NIM1K: variants seen among roughly 807,000 people sequenced by gnomAD.
The protein encoded by NIM1K is NIM1 serine/threonine protein kinase, also known as serine/threonine-protein kinase NIM1.
Under a neutral mutation model 37.1 loss-of-function variants are expected in NIM1K, and 35 were observed. That is an observed-to-expected ratio of 0.94 (90% CI 0.72 to 1.25). The LOEUF is 1.25. Among genes scored for constraint, NIM1K ranks in the 50% most tolerant of loss-of-function variants. The pLI is 0.00. For missense variants in NIM1K, 564 were observed against 548.0 expected (o/e 1.03, Z -0.29); for synonymous variants, 234 against 206.6 (o/e 1.13, Z -1.14).
intron 3 of NIM1K, among the ~76,000 whole-genome samples, chr5:43,278,763 G>T (rs1210117894): frequency 6.6e-6 from 1 of 152,216 alleles, no homozygotes; most frequent in Non-Finnish European, 1.5e-5. Flanking sequence ...GGGAGAATTT[G>T]CAAGGGAATC....
At chr5:43,262,911 G>A (rs1389776548) in intron 2 of NIM1K, among the ~76,000 whole-genome samples, 6 of 152,130 alleles carry the variant, frequency 3.9e-5, no homozygotes, top group Non-Finnish European at 5.9e-5. Flanking sequence ...GATGGATTAC[G>A]TTTATTGATT....
intron 2 of NIM1K, among the ~76,000 whole-genome samples, chr5:43,251,412 C>T (rs1752864939): frequency 6.6e-6 from 1 of 152,192 alleles, no homozygotes; most frequent in South Asian, 2.1e-4. Context: ...ATTTCAACCT[C>T]ATGAGTCTTA....
Position 43,277,105 on chromosome 5 carries a change from C to A in NIM1K, c.341C>A (p.Thr114Asn). The A allele has an allele frequency of 6.2e-7, 1 of 1,614,092 alleles. No homozygotes were observed. Among genetic ancestry groups the A allele is most frequent in the Non-Finnish European group, 8.5e-7 (1 of 1,179,994 alleles). The change falls in exon 3 of 4, where the codon ACC becomes AAC. Residue 114 changes from threonine (T) to asparagine (N), a missense_variant. Transcript: ENST00000326035. ...GACAAGACCAAGTTAGACCAGAAAA[C>A]CCAGAGGCTACTATCCCGAGAAATC... ...ILDKTKLDQKTQRLLSREISS... is the reference protein window; with the variant it reads ...ILDKTKLDQKNQRLLSREISS...
intron 2 of NIM1K, among the ~76,000 whole-genome samples, chr5:43,263,333 CT>C (rs901503704): frequency 4.6e-5 from 7 of 152,078 alleles, no homozygotes; most frequent in African/African-American, 1.4e-4. Flanking sequence ...CTGGTTTAGT[CT>C]TGGGAGGGTG....
chr5:43,275,233 C>T (rs1753320884), intron 2 of NIM1K, among the ~76,000 whole-genome samples: 1 of 152,122 alleles, frequency 6.6e-6, no homozygotes, highest in Non-Finnish European at 1.5e-5. Flanking sequence ...GTATAGTGGA[C>T]ATCTTTTCAT....
chr5:43,244,088 C>T (rs2112260587), intron 1 of NIM1K, among the ~76,000 whole-genome samples: 1 of 152,220 alleles, frequency 6.6e-6, no homozygotes, highest in Admixed American at 6.5e-5. Flanking sequence ...TATTTGGCAA[C>T]CCCATACTTA....
At chr5:43,203,752 A>G (rs1156882555) in intron 1 of NIM1K, among the ~76,000 whole-genome samples, 1 of 152,178 alleles carries the variant, frequency 6.6e-6, no homozygotes, top group Non-Finnish European at 1.5e-5. Flanking sequence ...TTGGCTGGGC[A>G]CAGTGGCTCA....
intron 3 of NIM1K, among the ~76,000 whole-genome samples, 155 bp from the exon 4 acceptor site, chr5:43,279,825 A>G (rs761474568): frequency 2.6e-5 from 4 of 152,208 alleles, no homozygotes; most frequent in Non-Finnish European, 5.9e-5. Context: ...ACATTGGGCT[A>G]AAGGTTATGA....
intron 1 of NIM1K, 87 bp from the exon 2 acceptor site, chr5:43,244,995 A>T (rs1010764160): frequency 1.3e-4 from 20 of 152,246 alleles, no homozygotes; most frequent in African/African-American, 3.9e-4. Context: ...CTTTTAGATC[A>T]ATGCTTACAA....
intron 2 of NIM1K, 58 bp downstream of exon 2, chr5:43,246,125 G>C (rs1247860941): frequency 2.0e-6 from 3 of 1,480,668 alleles, no homozygotes; most frequent in African/African-American, 1.4e-5. Context: ...GTGTAGGAAA[G>C]GGGTTAGGTG....
intron 2 of NIM1K, among the ~76,000 whole-genome samples, chr5:43,246,362 T>C (rs1467753801): frequency 6.6e-6 from 1 of 151,724 alleles, no homozygotes; most frequent in Non-Finnish European, 1.5e-5. Flanking sequence ...CACCATACCA[T>C]GCAGATAAAC....
chr5:43,273,295 C>T (rs1753285843), intron 2 of NIM1K, among the ~76,000 whole-genome samples: 1 of 151,956 alleles, frequency 6.6e-6, no homozygotes, highest in South Asian at 2.1e-4. Context: ...CCTCTGCCCC[C>T]TGGGTTCAAG....
rs768600358 is a variant in NIM1K, at chr5:43,245,902, C to T, written c.127C>T (p.Arg43Cys). Residue 43 changes from arginine to cysteine, a missense_variant, in exon 2 of 4, where the codon CGC becomes TGC. Transcript: ENST00000326035. ...CAAGGAGGGTGAGGAGGGACAGCCCCGCCAGCTGACGCCCTTCGAGAAACT... is the reference window on the plus strand; with the variant it reads ...CAAGGAGGGTGAGGAGGGACAGCCCTGCCAGCTGACGCCCTTCGAGAAACT... ...SSKEGEEGQP[R>C]QLTPFEKLTQ... 3.4e-5 allele frequency: 55 copies of T among 1,613,968 alleles called. No individual in the cohort carries two copies. The highest frequency in any genetic ancestry group is 3.6e-5 in the Non-Finnish European group (42 of 1,180,016).
Position 43,233,008 on chromosome 5 carries a change from G to A in NIM1K, c.-694-12074G>A, listed in dbSNP as rs187527048. The A allele has an allele frequency of 1.5e-5, 18 of 1,196,686 alleles. No homozygotes were observed. The East Asian group carries it at 1.9e-4, about 12-fold the overall frequency. 74.1% of individuals were successfully genotyped at this position (1,196,686 alleles called of 1,614,324 possible). On this transcript the variant is annotated intron_variant, in intron 1 of 3. Transcript: ENST00000326035. ...CCTGGGCACATGCTTGCCGGAGCCC[G>A]TCTCACTGAAGAAGCTGTTGAAGGA...
intron 2 of NIM1K, among the ~76,000 whole-genome samples, chr5:43,267,802 G>A (rs1297469478): frequency 6.6e-6 from 1 of 152,088 alleles, no homozygotes; most frequent in Non-Finnish European, 1.5e-5. Context: ...TTCCTACTGT[G>A]GTCTGAGAAG....
chr5:43,257,606 C>G (rs1227884356), intron 2 of NIM1K, among the ~76,000 whole-genome samples: 1 of 152,026 alleles, frequency 6.6e-6, no homozygotes, highest in African/African-American at 2.4e-5. Flanking sequence ...CCGCCCTGGC[C>G]TCCCAAAGTG....
intron 1 of NIM1K, among the ~76,000 whole-genome samples, chr5:43,230,825 C>T (rs1230485517): frequency 2.0e-5 from 3 of 152,238 alleles, no homozygotes; most frequent in African/African-American, 7.2e-5. Context: ...CATTTGTCAC[C>T]CACTAGTTCA....
intron 1 of NIM1K, among the ~76,000 whole-genome samples, chr5:43,229,213 C>CGT (rs1043158259): frequency 3.3e-5 from 5 of 151,940 alleles, no homozygotes; most frequent in Non-Finnish European, 7.4e-5. Context: ...GGCAAAACCC[C>CGT]GTCTCTACTA....
chr5:43,262,216 C>T (rs1015122009), intron 2 of NIM1K, among the ~76,000 whole-genome samples: 7 of 152,136 alleles, frequency 4.6e-5, no homozygotes, highest in South Asian at 4.1e-4. Context: ...ACCATTTTCA[C>T]GATATTGATT....
Sources: allele counts gnomAD v4.1 joint callset (sites outside exome capture counted in the v4.1 genomes callset), GRCh38; gene constraint gnomAD v4.1.1; transcripts MANE v1.5; gene names NCBI Gene and HGNC (gene_info 2026-07-23, HGNC 2026-07-21).